ZNF385C: variants seen among roughly 807,000 people sequenced by gnomAD.
ZNF385C encodes the protein zinc finger protein 385C, also known as CTD-2132N18.2.
ZNF385C carries 28 observed loss-of-function variants against 35.4 expected under a neutral mutation model. That is an observed-to-expected ratio of 0.79 (90% CI 0.59 to 1.08). ZNF385C has a LOEUF of 1.08. Among genes scored for constraint, ZNF385C ranks in the 50% least tolerant of loss-of-function variants. The pLI is 0.00. For synonymous variants in ZNF385C, 248 were observed against 248.2 expected, an observed-to-expected ratio of 1.00 and a Z score of 0.01; for missense variants, 605 against 595.6, an observed-to-expected ratio of 1.02 and a Z score of -0.16.
At chr17:42,060,607 A>G (rs2053445688) in intron 2 of ZNF385C, among the ~76,000 whole-genome samples, 1 of 152,144 alleles carries the variant, frequency 6.6e-6, no homozygotes, top group African/African-American at 2.4e-5. Flanking sequence ...GCAGGCCTCA[A>G]TGCCTTTGCT....
intron 1 of ZNF385C, among the ~76,000 whole-genome samples, chr17:42,087,093 G>A (rs2053817716): frequency 6.6e-6 from 1 of 152,092 alleles, no homozygotes; most frequent in Non-Finnish European, 1.5e-5. Context: ...AAGGTGCTGG[G>A]ATTACAGGCG....
At chr17:42,028,617 G>T in intron 6 of ZNF385C, 166 bp downstream of exon 6, 1 of 845,282 alleles carries the variant, frequency 1.2e-6, no homozygotes, top group Non-Finnish European at 1.8e-6. Context: ...CTTCCCCAAG[G>T]AGTAATGGGA....
In ZNF385C at chr17:42,040,904, G is replaced by A. The variant is rs1408536868; in HGVS notation, c.251-3019C>T. 8.1e-6 allele frequency: 10 copies of A among 1,232,092 alleles called. No homozygotes were observed. In the African/African-American group the frequency reaches 9.3e-5, roughly 11 times the overall value. The allele number at this position is 1,232,092 out of a possible 1,614,324, so 76.3% of individuals were successfully genotyped here. On this transcript the variant is annotated intron_variant, in intron 2 of 8. Coordinates refer to ENST00000692273, the MANE Select transcript of ZNF385C (RefSeq NM_001392013.1). ...AGCTGTGGGCCCACACTCCCCAGGC[G>A]CTCACTGGGGAGGCTTGAGCTGAGC...
In ZNF385C at chr17:42,083,624, G is replaced by A. The variant is rs185910785; in HGVS notation, c.-3+14786C>T. Among the ~76,000 whole-genome samples, 27 of 138,476 alleles carry A rather than the reference G, an allele frequency of 1.9e-4. No homozygotes were observed. In the East Asian group the frequency reaches 5.1e-3, roughly 26 times the overall value. The allele number at this position is 138,476 out of a possible 152,430, so 90.8% of individuals were successfully genotyped here. A position where few individuals can be genotyped will look rare whatever the true frequency, so the allele number is the denominator to read the frequency against. On this transcript the variant is annotated intron_variant, in intron 1 of 8. Coordinates refer to ENST00000692273, the MANE Select transcript of ZNF385C (RefSeq NM_001392013.1). Reference sequence around the variant, plus strand: ...GAAAATCCTGTGTTGTCTTTATTAAGTTTTTGATTACTTAAAAAAAACTAA... The same window carrying A: ...GAAAATCCTGTGTTGTCTTTATTAAATTTTTGATTACTTAAAAAAAACTAA...
At chr17:42,081,011 G>A (rs1197325814) in intron 1 of ZNF385C, among the ~76,000 whole-genome samples, 4 of 152,322 alleles carry the variant, frequency 2.6e-5, no homozygotes, top group South Asian at 2.1e-4. Context: ...TAGGGATAGC[G>A]TCTCCCTTTG....
At chr17:42,079,009 C>A (rs1372103394) in intron 1 of ZNF385C, among the ~76,000 whole-genome samples, 2 of 151,708 alleles carry the variant, frequency 1.3e-5, no homozygotes, top group African/African-American at 4.8e-5. Flanking sequence ...ATAATAACTC[C>A]TCTGACTCAA....
intron 2 of ZNF385C, among the ~76,000 whole-genome samples, chr17:42,045,207 G>A (rs545699971): frequency 5.9e-5 from 9 of 151,834 alleles, no homozygotes; most frequent in South Asian, 4.2e-4. Context: ...GTGAGCCACC[G>A]CGCCCAGCCA....
intron 6 of ZNF385C, 58 bp from the exon 7 acceptor site, chr17:42,028,304 G>C: frequency 6.8e-7 from 1 of 1,478,016 alleles, no homozygotes; most frequent in Admixed American, 2.3e-5. Flanking sequence ...GGGCCACAGA[G>C]ACCCCCTCCA....
intron 1 of ZNF385C, among the ~76,000 whole-genome samples, chr17:42,076,570 C>A (rs1177521308): frequency 6.6e-6 from 1 of 152,016 alleles, no homozygotes; most frequent in East Asian, 1.9e-4. Flanking sequence ...GGCAGTGAGC[C>A]AAGATCGCGC....
chr17:42,039,909 G>A (rs918051410), intron 2 of ZNF385C: 4 of 1,231,230 alleles, frequency 3.2e-6, no homozygotes, highest in Non-Finnish European at 4.1e-6. Context: ...CAGCGCCCGC[G>A]GGCAGCGCCA....
At chr17:42,043,051 G>C (rs1378570259) in intron 2 of ZNF385C, 1 of 1,232,204 alleles carries the variant, frequency 8.1e-7, no homozygotes, top group African/African-American at 1.6e-5. Context: ...AGCCAGGCCT[G>C]GGCAGGCCCC....
intron 6 of ZNF385C, 136 bp downstream of exon 6, chr17:42,028,647 C>G: frequency 8.8e-7 from 1 of 1,134,420 alleles, no homozygotes; most frequent in Non-Finnish European, 1.2e-6. Flanking sequence ...AACGTCCGTT[C>G]AGTAACACAC....
chr17:42,042,565 C>T lies in ZNF385C; in HGVS notation c.251-4680G>A, dbSNP rs1176578146. ...ATACATCTGTGGGTCAATCAAGCCT[C>T]CAGGCCACCAGTTTGCAACGTCTGA... On this transcript the variant is annotated intron_variant, in intron 2 of 8. Coordinates refer to ENST00000692273, the MANE Select transcript of ZNF385C (RefSeq NM_001392013.1). Among the ~76,000 whole-genome samples, 5 of 152,070 alleles carry T rather than the reference C, an allele frequency of 3.3e-5. 1 individual carries two copies. Among genetic ancestry groups the T allele is most frequent in the African/African-American group, 4.8e-5 (2 of 41,392 alleles).
At chr17:42,087,847 A>G (rs1598206286) in intron 1 of ZNF385C, among the ~76,000 whole-genome samples, 1 of 152,218 alleles carries the variant, frequency 6.6e-6, no homozygotes. Flanking sequence ...TCCGTAATCT[A>G]TAACCAATAT....
intron 1 of ZNF385C, among the ~76,000 whole-genome samples, chr17:42,070,301 G>T (rs2053606483): frequency 6.6e-6 from 1 of 151,494 alleles, no homozygotes; most frequent in African/African-American, 2.4e-5. Context: ...CCGAGATCGC[G>T]CCACTGCACT....
chr17:42,028,397 C>T (rs1314794871), intron 6 of ZNF385C, among the ~76,000 whole-genome samples, 151 bp from the exon 7 acceptor site: 2 of 152,240 alleles, frequency 1.3e-5, no homozygotes, highest in Admixed American at 6.5e-5. Context: ...GGTTTCCCCT[C>T]CCAGCTTCTG....
intron 2 of ZNF385C, chr17:42,040,672 C>T (rs1421290275): frequency 4.9e-6 from 6 of 1,232,300 alleles, no homozygotes; most frequent in Non-Finnish European, 6.1e-6. Flanking sequence ...CAGGGAGGCC[C>T]AGGGCACTGG....
At chr17:42,029,286 C>T (rs1235008151) in intron 5 of ZNF385C, among the ~76,000 whole-genome samples, 4 of 152,234 alleles carry the variant, frequency 2.6e-5, no homozygotes, top group Non-Finnish European at 2.9e-5. Context: ...AAAGCCCTCA[C>T]AGCCCTCATA....
Position 42,027,660 on chromosome 17 carries a change from G to A in ZNF385C, c.1233C>T (p.Ser411=). 6.2e-7 allele frequency: 1 copy of A among 1,607,000 alleles called. No individual in the cohort carries two copies. The highest frequency in any genetic ancestry group is 8.5e-7 in the Non-Finnish European group (1 of 1,177,522). ...GKTPKPSSQH[S]KLQKHAALAV... ...CCAGCGCTGCGTGCTTCTGCAGCTT[G>A]CTGTGCTGGCTGGAGGGCTTGGGGG... is the stretch of plus-strand genomic sequence containing the variant. The change falls in exon 8 of 9, where the codon AGC becomes AGT. Residue 411 remains serine, a synonymous_variant. Transcript: ENST00000692273.
Sources: gnomAD v4.1 joint callset for allele counts (sites outside exome capture counted in the v4.1 genomes callset) on GRCh38, gnomAD v4.1.1 for gene constraint, MANE v1.5 for transcripts, NCBI Gene and HGNC (gene_info 2026-07-23, HGNC 2026-07-21) for gene names.